Variants in KCNIP4 observed in about 807,000 individuals in gnomAD.
The protein encoded by KCNIP4 is potassium voltage-gated channel interacting protein 4.
A neutral mutation model predicts 34.0 loss-of-function variants in KCNIP4; 12 were observed. That is an observed-to-expected ratio of 0.35 (90% CI 0.23 to 0.57). The LOEUF is 0.57. Among genes scored for constraint, KCNIP4 ranks in the 20% least tolerant of loss-of-function variants. KCNIP4 has a pLI of 0.83. For synonymous variants in KCNIP4, 124 were observed against 102.2 expected, an observed-to-expected ratio of 1.21 and a Z score of -1.29; for missense variants, 238 against 311.7, an observed-to-expected ratio of 0.76 and a Z score of 1.78.
At chr4:21,476,017 C>A (rs1269911711) in intron 1 of KCNIP4, among the ~76,000 whole-genome samples, 1 of 152,082 alleles carries the variant, frequency 6.6e-6, no homozygotes, top group Non-Finnish European at 1.5e-5. Flanking sequence ...AAACTCATTG[C>A]TTTTCATATG....
intron 4 of KCNIP4, among the ~76,000 whole-genome samples, chr4:20,754,774 C>T (rs1341310315): frequency 1.3e-5 from 2 of 152,082 alleles, no homozygotes; most frequent in Non-Finnish European, 2.9e-5. Flanking sequence ...AAGATGTTCT[C>T]TAATGCAGAA....
chr4:21,366,022 G>C (rs796587286), intron 1 of KCNIP4, among the ~76,000 whole-genome samples: 21 of 152,290 alleles, frequency 1.4e-4, no homozygotes, highest in African/African-American at 5.1e-4. Flanking sequence ...GTTCAGAATG[G>C]TATGCTTGAT....
At chr4:21,403,916 G>C (rs773459392) in intron 1 of KCNIP4, among the ~76,000 whole-genome samples, 2 of 152,154 alleles carry the variant, frequency 1.3e-5, no homozygotes, top group Admixed American at 1.3e-4. Flanking sequence ...CATGAGGGTG[G>C]AGAACTCATG....
At chr4:21,381,432 T>G (rs1721494480) in intron 1 of KCNIP4, among the ~76,000 whole-genome samples, 1 of 152,166 alleles carries the variant, frequency 6.6e-6, no homozygotes, top group South Asian at 2.1e-4. Flanking sequence ...GGTAGTATTT[T>G]TACTCAACTT....
At chr4:21,239,719 A>C (rs1385226055) in intron 1 of KCNIP4, among the ~76,000 whole-genome samples, 3 of 152,192 alleles carry the variant, frequency 2.0e-5, no homozygotes, top group African/African-American at 7.2e-5. Context: ...AAAAGTCAGG[A>C]AACAACAGGT....
chr4:21,736,575 C>G (rs566467207), intron 1 of KCNIP4, among the ~76,000 whole-genome samples: 1 of 152,274 alleles, frequency 6.6e-6, no homozygotes, highest in South Asian at 2.1e-4. Flanking sequence ...TTTATGCTAT[C>G]ATCCCATTCC....
At chr4:21,512,727 G>A (rs1046647858) in intron 1 of KCNIP4, among the ~76,000 whole-genome samples, 1 of 152,150 alleles carries the variant, frequency 6.6e-6, no homozygotes, top group Non-Finnish European at 1.5e-5. Flanking sequence ...TGTAAGATAT[G>A]CATTGGCTTA....
Position 21,874,080 on chromosome 4 carries a change from G to A in KCNIP4, c.61+74491C>T, listed in dbSNP as rs190012968. Among the ~76,000 whole-genome samples the A allele has an allele frequency of 1.6e-3, 246 of 152,276 alleles. 3 individuals are homozygous for A. Among genetic ancestry groups the A allele is most frequent in the Middle Eastern group, 0.01 (3 of 294 alleles). ...TTCACTGTGACTGATACGCATAGCC[G>A]CAACAAGGAGTAGCACTGTTATTCG... On this transcript the variant is annotated intron_variant, in intron 1 of 8. Transcript: ENST00000382152.
intron 1 of KCNIP4, among the ~76,000 whole-genome samples, chr4:21,817,841 A>G (rs1722082370): frequency 6.6e-6 from 1 of 152,142 alleles, no homozygotes; most frequent in Admixed American, 6.5e-5. Flanking sequence ...TATCAAGACA[A>G]TATGTGCACC....
chr4:20,908,752 T>G (rs1728044047), intron 1 of KCNIP4, among the ~76,000 whole-genome samples: 1 of 152,182 alleles, frequency 6.6e-6, no homozygotes. Flanking sequence ...GATATAGAGT[T>G]GCATGGCTTG....
intron 1 of KCNIP4, among the ~76,000 whole-genome samples, chr4:20,944,310 T>A: frequency 6.6e-6 from 1 of 152,096 alleles, no homozygotes; most frequent in East Asian, 1.9e-4. Context: ...GACATGGTCA[T>A]GAGAAGGACA....
intron 3 of KCNIP4, among the ~76,000 whole-genome samples, chr4:20,771,814 C>T (rs1032735769): frequency 1.3e-5 from 2 of 152,056 alleles, no homozygotes; most frequent in African/African-American, 2.4e-5. Context: ...GGACTACAGG[C>T]ACCCGCCACC....
intron 1 of KCNIP4, among the ~76,000 whole-genome samples, chr4:21,448,093 A>G (rs1397614894): frequency 6.6e-6 from 1 of 152,166 alleles, no homozygotes; most frequent in East Asian, 1.9e-4. Context: ...ATGCCTAAAA[A>G]TGAGGAAGTA....
At chr4:21,220,431 G>A (rs1188737465) in intron 1 of KCNIP4, among the ~76,000 whole-genome samples, 2 of 152,148 alleles carry the variant, frequency 1.3e-5, no homozygotes, top group South Asian at 2.1e-4. Flanking sequence ...ACGGGGGAGG[G>A]ATAGCGTTAG....
chr4:21,475,639 C>T (rs1388667814), intron 1 of KCNIP4, among the ~76,000 whole-genome samples: 1 of 150,522 alleles, frequency 6.6e-6, no homozygotes, highest in Non-Finnish European at 1.5e-5. Flanking sequence ...AAATCAAGTT[C>T]TCATTTTCAG....
chr4:20,992,541 C>G (rs1737170592), intron 1 of KCNIP4, among the ~76,000 whole-genome samples: 1 of 152,038 alleles, frequency 6.6e-6, no homozygotes, highest in Admixed American at 6.6e-5. Flanking sequence ...AACTCTCCTC[C>G]CCAAATAATT....
chr4:21,486,963 A>T (rs1731977054), intron 1 of KCNIP4, among the ~76,000 whole-genome samples: 1 of 151,354 alleles, frequency 6.6e-6, no homozygotes, highest in Non-Finnish European at 1.5e-5. Context: ...ACACCTGGCT[A>T]ATTTTTTTTT....
chr4:21,817,465 T>C (rs1184750108), intron 1 of KCNIP4, among the ~76,000 whole-genome samples: 1 of 152,038 alleles, frequency 6.6e-6, no homozygotes, highest in Non-Finnish European at 1.5e-5. Context: ...AACAACGATT[T>C]TTAGGGAACA....
intron 1 of KCNIP4, among the ~76,000 whole-genome samples, chr4:21,816,504 G>C (rs34752593): frequency 1.2e-3 from 187 of 152,242 alleles, no homozygotes; most frequent in South Asian, 3.5e-3. Context: ...CCAAGTCAAA[G>C]AGCTTTAGCG....
Sources: gnomAD v4.1 joint callset for allele counts (sites outside exome capture counted in the v4.1 genomes callset) on GRCh38, gnomAD v4.1.1 for gene constraint, MANE v1.5 for transcripts, NCBI Gene and HGNC (gene_info 2026-07-23, HGNC 2026-07-21) for gene names.